Variants in MACROD2 observed in about 807,000 individuals in gnomAD.
MACROD2 encodes the protein mono-ADP ribosylhydrolase 2, also known as ADP-ribose glycohydrolase MACROD2.
Under a neutral mutation model 70.4 loss-of-function variants are expected in MACROD2, and 36 were observed. That is an observed-to-expected ratio of 0.51 (90% confidence interval 0.39 to 0.68). The LOEUF (loss-of-function observed/expected upper bound fraction) is 0.68. MACROD2 is among the 30% of genes least tolerant of loss of function. The pLI is 0.00. For synonymous variants in MACROD2, 172 were observed against 178.8 expected, an observed-to-expected ratio of 0.96 and a Z score of 0.30; for missense variants, 496 against 538.4, an observed-to-expected ratio of 0.92 and a Z score of 0.78.
chr20:14,222,693 G>A (rs976532336), intron 3 of MACROD2, among the ~76,000 whole-genome samples: 3 of 151,838 alleles, frequency 2.0e-5, no homozygotes, highest in African/African-American at 7.2e-5. Flanking sequence ...AAAATAAAAG[G>A]TGGATATTAT....
chr20:14,071,156 T>C (rs891041534), intron 2 of MACROD2, among the ~76,000 whole-genome samples: 1 of 152,122 alleles, frequency 6.6e-6, no homozygotes, highest in African/African-American at 2.4e-5. Flanking sequence ...AATATACTTA[T>C]GATTTTAATG....
chr20:15,197,936 AT>A (rs1389329704), intron 5 of MACROD2, among the ~76,000 whole-genome samples: 69 of 132,988 alleles, frequency 5.2e-4, no homozygotes, highest in Admixed American at 1.1e-3. Context: ...GACTCAAGCA[AT>A]TTTCCTGCCT....
At chr20:15,875,510 T>C (rs933275840) in intron 9 of MACROD2, among the ~76,000 whole-genome samples, 3 of 152,030 alleles carry the variant, frequency 2.0e-5, no homozygotes, top group African/African-American at 7.2e-5. Context: ...TCTTAGGAAA[T>C]AGGTGCTAAC....
intron 6 of MACROD2, among the ~76,000 whole-genome samples, chr20:15,406,442 T>C (rs1377695290): frequency 6.6e-6 from 1 of 152,216 alleles, no homozygotes; most frequent in Non-Finnish European, 1.5e-5. Flanking sequence ...ATCTTTAATA[T>C]GGATTAATCA....
At chr20:14,632,070 T>C (rs1309632591) in intron 4 of MACROD2, 4 of 145,464 alleles carry the variant, frequency 2.7e-5, no homozygotes, top group South Asian at 2.2e-4. Context: ...TTTTGCCTGC[T>C]TTTTTTTTTT....
chr20:15,077,322 G>A (rs1355292318), intron 5 of MACROD2, among the ~76,000 whole-genome samples: 1 of 152,080 alleles, frequency 6.6e-6, no homozygotes, highest in Non-Finnish European at 1.5e-5. Flanking sequence ...CAGGTAAAGG[G>A]TCTTATGTTT....
chr20:14,651,224 A>C (rs913997662), intron 4 of MACROD2, among the ~76,000 whole-genome samples: 1 of 152,176 alleles, frequency 6.6e-6, no homozygotes, highest in African/African-American at 2.4e-5. Flanking sequence ...GGTCTGATGA[A>C]TCCACCGAAG....
At chr20:14,054,373 C>T (rs2053609106) in intron 2 of MACROD2, among the ~76,000 whole-genome samples, 1 of 151,954 alleles carries the variant, frequency 6.6e-6, no homozygotes, top group South Asian at 2.1e-4. Context: ...AGACCATTTA[C>T]TGTAGCAACA....
chr20:15,515,978 C>T (rs2047561419), intron 8 of MACROD2, among the ~76,000 whole-genome samples: 1 of 152,184 alleles, frequency 6.6e-6, no homozygotes, highest in Non-Finnish European at 1.5e-5. Flanking sequence ...CTTCAGAAAG[C>T]TCACCCCCAA....
At chr20:14,824,866 A>T (rs757977506) in intron 5 of MACROD2, among the ~76,000 whole-genome samples, 3 of 152,156 alleles carry the variant, frequency 2.0e-5, no homozygotes, top group Non-Finnish European at 2.9e-5. Context: ...TTATTGAGGT[A>T]CTACCATGTG....
chr20:14,583,328 A>G (rs187667653), intron 4 of MACROD2, among the ~76,000 whole-genome samples: 1 of 152,182 alleles, frequency 6.6e-6, no homozygotes, highest in African/African-American at 2.4e-5. Flanking sequence ...ATCAATCATC[A>G]GGGTCCAGAA....
At chr20:14,576,383 C>T (rs568193588) in intron 4 of MACROD2, among the ~76,000 whole-genome samples, 1 of 152,330 alleles carries the variant, frequency 6.6e-6, no homozygotes, top group Non-Finnish European at 1.5e-5. Flanking sequence ...TCCTCCGATT[C>T]AAGGAAGCCC....
At chr20:14,875,059 G>A (rs923327036) in intron 5 of MACROD2, among the ~76,000 whole-genome samples, 1 of 151,818 alleles carries the variant, frequency 6.6e-6, no homozygotes, top group South Asian at 2.1e-4. Context: ...GAGATATATT[G>A]ACTTTGTGTG....
At chr20:15,775,190 C>T (rs1257997074) in intron 8 of MACROD2, among the ~76,000 whole-genome samples, 1 of 152,080 alleles carries the variant, frequency 6.6e-6, no homozygotes, top group East Asian at 1.9e-4. Context: ...AAGAAACATG[C>T]ACAGATCCAG....
At chr20:15,293,606 C>T (rs890095742) in intron 6 of MACROD2, among the ~76,000 whole-genome samples, 1 of 152,158 alleles carries the variant, frequency 6.6e-6, no homozygotes, top group Non-Finnish European at 1.5e-5. Flanking sequence ...TAACTATTTC[C>T]TAATCAATAA....
chr20:15,896,681 G>C (rs779794654), intron 10 of MACROD2, among the ~76,000 whole-genome samples: 1 of 151,730 alleles, frequency 6.6e-6, no homozygotes, highest in Non-Finnish European at 1.5e-5. Context: ...TAAATATCTC[G>C]CTAAGATACT....
chr20:14,492,142 G>A (rs1294524450), intron 3 of MACROD2, among the ~76,000 whole-genome samples: 3 of 152,144 alleles, frequency 2.0e-5, no homozygotes, highest in Admixed American at 6.5e-5. Flanking sequence ...TCTGGCTACC[G>A]TCTGTGTAAA....
Position 15,118,278 on chromosome 20 carries a change from C to T in MACROD2, c.419-111662C>T, listed in dbSNP as rs548647509. On this transcript the variant is annotated intron_variant, in intron 5 of 17. Transcript: ENST00000684519. Reference sequence around the variant, plus strand: ...TGTGATCTCGGCTCACTGCAACCTCCACCTACCAGGTTGAAGCGACTCTCC... The same window carrying T: ...TGTGATCTCGGCTCACTGCAACCTCTACCTACCAGGTTGAAGCGACTCTCC... 2.0e-5 allele frequency among the ~76,000 whole-genome samples: 3 copies of T among 151,326 alleles called. No individual in the cohort carries two copies. In the East Asian group the frequency reaches 5.9e-4, roughly 30 times the overall value.
intron 3 of MACROD2, among the ~76,000 whole-genome samples, chr20:14,398,501 G>A (rs2122827838): frequency 6.6e-6 from 1 of 151,574 alleles, no homozygotes; most frequent in Middle Eastern, 3.4e-3. Flanking sequence ...CTGATGATTA[G>A]TGATGTGGAG....
Sources: gnomAD v4.1 joint callset for allele counts (sites outside exome capture counted in the v4.1 genomes callset) on GRCh38, gnomAD v4.1.1 for gene constraint, MANE v1.5 for transcripts, NCBI Gene and HGNC (gene_info 2026-07-23, HGNC 2026-07-21) for gene names.